CAMTA1: variants seen among roughly 807,000 people sequenced by gnomAD.
CAMTA1 encodes the protein calmodulin binding transcription activator 1.
Under a neutral mutation model 170.9 loss-of-function variants are expected in CAMTA1, and 27 were observed. That is an observed-to-expected ratio of 0.16 (90% CI 0.12 to 0.22). CAMTA1 has a LOEUF of 0.22. Among genes scored for constraint, CAMTA1 ranks in the 10% least tolerant of loss-of-function variants. CAMTA1 has a pLI of 1.00. For synonymous variants in CAMTA1, 833 were observed against 891.5 expected (o/e 0.93, Z 1.17); for missense variants, 1,619 against 2,217.2 (o/e 0.73, Z 5.42).
At position 6,843,791 on chromosome 1, in the gene CAMTA1, T is replaced by C. The variant is rs1221940399; in HGVS notation, c.234+18581T>C. ...CACTGCGCCCGGCCCCAAACTTTTT[T>C]ATAATTCTCTATGACATTGACATAC... On this transcript the variant is annotated intron_variant, in intron 3 of 22. Coordinates refer to ENST00000303635, the MANE Select transcript of CAMTA1 (RefSeq NM_015215.4). 2.0e-5 allele frequency among the ~76,000 whole-genome samples: 3 copies of C among 152,206 alleles called. No individual in the cohort carries two copies. In the East Asian group the frequency reaches 5.8e-4, roughly 29 times the overall value.
chr1:7,176,386 C>A (rs1363106707), intron 4 of CAMTA1, among the ~76,000 whole-genome samples: 1 of 152,200 alleles, frequency 6.6e-6, no homozygotes. Context: ...GAGATGTAGG[C>A]TGCTAACTCC....
chr1:6,900,387 A>G (rs1376340111), intron 3 of CAMTA1, among the ~76,000 whole-genome samples: 1 of 151,460 alleles, frequency 6.6e-6, no homozygotes, highest in Non-Finnish European at 1.5e-5. Context: ...AGGGAAGTAA[A>G]AACTCTGAGG....
At chr1:6,954,372 G>A (rs551239508) in intron 3 of CAMTA1, among the ~76,000 whole-genome samples, 1 of 152,312 alleles carries the variant, frequency 6.6e-6, no homozygotes, top group African/African-American at 2.4e-5. Context: ...AGCTGTTGGG[G>A]TGTGGACGGG....
rs866854452 is a variant in CAMTA1, at chr1:7,413,767, G to A, written c.439-54063G>A. Among the ~76,000 whole-genome samples, 31 of 152,026 alleles carry A rather than the reference G, an allele frequency of 2.0e-4. 1 individual carries two copies. The highest frequency in any genetic ancestry group is 8.3e-4 in the South Asian group (4 of 4,810). On this transcript the variant is annotated intron_variant, in intron 5 of 22. Coordinates refer to ENST00000303635, the MANE Select transcript of CAMTA1 (RefSeq NM_015215.4). Reference sequence around the variant, plus strand: ...CTTTATTTCCTTCTCCTGCCTAATTGCCCTGGCCAGAACTTCCAACACTAG... The same window carrying A: ...CTTTATTTCCTTCTCCTGCCTAATTACCCTGGCCAGAACTTCCAACACTAG...
At chr1:7,569,235 CCATCAT>C (rs1186670932) in intron 6 of CAMTA1, among the ~76,000 whole-genome samples, 1 of 149,232 alleles carries the variant, frequency 6.7e-6, no homozygotes, top group Non-Finnish European at 1.5e-5. Context: ...ATCATCATCA[CCATCAT>C]CATCATCATC....
chr1:6,982,861 T>G (rs1694678676), intron 3 of CAMTA1, among the ~76,000 whole-genome samples: 1 of 152,112 alleles, frequency 6.6e-6, no homozygotes, highest in Non-Finnish European at 1.5e-5. Context: ...TGGCCCAAAC[T>G]CATAGGGCTT....
chr1:7,755,736 T>A, intron 22 of CAMTA1, 68 bp downstream of exon 22: 1 of 1,367,902 alleles, frequency 7.3e-7, no homozygotes, highest in Admixed American at 1.7e-5. Flanking sequence ...TTTTGCTTGC[T>A]TGCATGAGGC....
intron 5 of CAMTA1, among the ~76,000 whole-genome samples, chr1:7,329,596 G>A (rs2082895897): frequency 6.6e-6 from 1 of 152,140 alleles, no homozygotes; most frequent in Admixed American, 6.5e-5. Context: ...AAGGGACTTA[G>A]AGGTCCATTT....
chr1:7,528,299 T>A (rs921837036), intron 6 of CAMTA1, among the ~76,000 whole-genome samples: 1 of 152,166 alleles, frequency 6.6e-6, no homozygotes, highest in African/African-American at 2.4e-5. Flanking sequence ...TTCCTTAGCT[T>A]TGTTATGACA....
intron 11 of CAMTA1, among the ~76,000 whole-genome samples, chr1:7,710,004 A>G (rs1193471013): frequency 6.6e-6 from 1 of 152,242 alleles, no homozygotes; most frequent in Non-Finnish European, 1.5e-5. Context: ...TTCTCTTTCA[A>G]TTCAGCTATT....
chr1:7,626,679 C>T (rs1376794307), intron 6 of CAMTA1, among the ~76,000 whole-genome samples: 3 of 152,204 alleles, frequency 2.0e-5, no homozygotes, highest in Non-Finnish European at 2.9e-5. Context: ...GGGTGGGGGT[C>T]GGGTGCAGCT....
intron 6 of CAMTA1, among the ~76,000 whole-genome samples, chr1:7,560,680 G>C (rs1268536993): frequency 6.6e-6 from 1 of 152,132 alleles, no homozygotes; most frequent in Non-Finnish European, 1.5e-5. Context: ...CGGCCGGTGT[G>C]CATCTCAGCT....
chr1:7,106,660 C>A (rs952513933), intron 4 of CAMTA1, among the ~76,000 whole-genome samples: 2 of 152,066 alleles, frequency 1.3e-5, no homozygotes, highest in Non-Finnish European at 2.9e-5. Context: ...CCCCGTGGAA[C>A]CGCGTTTCTC....
At chr1:7,661,139 A>C (rs1440134680) in intron 7 of CAMTA1, among the ~76,000 whole-genome samples, 1 of 152,202 alleles carries the variant, frequency 6.6e-6, no homozygotes, top group East Asian at 1.9e-4. Context: ...TGGGCCCTTC[A>C]GTCCCGTCCC....
chr1:7,174,143 G>A (rs72859246), intron 4 of CAMTA1, among the ~76,000 whole-genome samples: 6,352 of 152,130 alleles, frequency 0.042, 459 homozygotes, highest in African/African-American at 0.14. Flanking sequence ...AAGCTCTCTG[G>A]GCCTTATATC....
intron 11 of CAMTA1, among the ~76,000 whole-genome samples, chr1:7,717,723 G>A (rs1441164504): frequency 6.6e-6 from 1 of 151,522 alleles, no homozygotes; most frequent in South Asian, 2.1e-4. Context: ...GCGAGACCCT[G>A]TCTAAAAAAA....
intron 5 of CAMTA1, among the ~76,000 whole-genome samples, chr1:7,336,794 C>T (rs1000170216): frequency 1.3e-4 from 20 of 152,330 alleles, no homozygotes; most frequent in Non-Finnish European, 2.4e-4. Flanking sequence ...GAGCTAACCA[C>T]TGGGCCTCCT....
At chr1:7,438,868 C>T (rs1470720227) in intron 5 of CAMTA1, among the ~76,000 whole-genome samples, 1 of 152,208 alleles carries the variant, frequency 6.6e-6, no homozygotes, top group Non-Finnish European at 1.5e-5. Context: ...TCAGCTTCCT[C>T]ATCTGTAAAA....
chr1:7,104,120 AACACACATAACTACACAC>A (rs1643279687), intron 4 of CAMTA1, among the ~76,000 whole-genome samples: 1 of 55,578 alleles, frequency 1.8e-5, no homozygotes, highest in Non-Finnish European at 4.2e-5. Context: ...ATGTACACAC[AACACACATAACTACACAC>A]GTACACACAA....
Sources: allele counts gnomAD v4.1 joint callset (sites outside exome capture counted in the v4.1 genomes callset), GRCh38; gene constraint gnomAD v4.1.1; transcripts MANE v1.5; gene names NCBI Gene and HGNC (gene_info 2026-07-23, HGNC 2026-07-21).